The following FOXM1 variants were observed in gnomAD, a reference collection of about 807,000 sequenced individuals.
FOXM1 encodes forkhead box protein M1.
A neutral mutation model predicts 63.6 loss-of-function variants in FOXM1; 25 were observed. The ratio of observed to expected loss-of-function variants is 0.39; its 90% confidence interval spans 0.29 to 0.55. FOXM1 has a LOEUF of 0.55. Ranked by LOEUF, FOXM1 falls within the 20% of genes least tolerant of loss-of-function variation. The pLI is 0.60. For synonymous variants in FOXM1, 387 were observed against 376.9 expected (o/e 1.03, Z -0.31); for missense variants, 879 against 958.7 (o/e 0.92, Z 1.10).
chr12:2,860,954 G>A (rs1266255993), intron 8 of FOXM1, among the ~76,000 whole-genome samples: 1 of 151,660 alleles, frequency 6.6e-6, no homozygotes, highest in Admixed American at 6.6e-5. Context: ...GGATCATGAG[G>A]TCAGGAGTTC....
Position 2,872,987 on chromosome 12 carries a change from G to A in FOXM1, c.503-740C>T, listed in dbSNP as rs1368304872. Among the ~76,000 whole-genome samples, 22 of 152,120 alleles carry A rather than the reference G, an allele frequency of 1.4e-4. No homozygotes were observed. The highest frequency in any genetic ancestry group is 1.2e-3 in the South Asian group (6 of 4,828). On this transcript the variant is annotated intron_variant, in intron 2 of 8. Coordinates refer to ENST00000359843, the MANE Select transcript of FOXM1 (RefSeq NM_021953.4). This position sits in a 1 kb window ranked among gnomAD's most constrained non-coding sequence, Gnocchi z 4.0. ...GAGAATGGCTTGAGTCCAGGCATTC[G>A]AGGCTAGAGTGAGCCGTGATTGCGC...
At position 2,859,297 on chromosome 12, in the gene FOXM1, G is replaced by A. The variant is rs145831539; in HGVS notation, c.1633C>T (p.Arg545Trp). ...HRERRERSRS[R>W]RKQHLLPPCV... ...GGAGGCAGTAGATGCTGTTTTCTCC[G>A]AGACCGGCTCCTCTCCCTCCTCTCC... Residue 545 changes from arginine (R) to tryptophan (W), a missense_variant, in exon 9 of 9, where the codon CGG (arginine) becomes TGG (tryptophan). Arg to Trp is a moderately radical substitution (Grantham distance 101, BLOSUM62 -3). Coordinates refer to ENST00000359843, the MANE Select transcript of FOXM1 (RefSeq NM_021953.4). 43 of 1,613,376 alleles carry A rather than the reference G, an allele frequency of 2.7e-5. No individual in the cohort carries two copies. The highest frequency in any genetic ancestry group is 3.3e-5 in the Admixed American group (2 of 59,996).
chr12:2,870,816 G>A (rs900408365), intron 3 of FOXM1, among the ~76,000 whole-genome samples: 14 of 151,984 alleles, frequency 9.2e-5, no homozygotes, highest in African/African-American at 2.2e-4. Context: ...AAAATTAGCC[G>A]GGCGTGGCAG....
intron 2 of FOXM1, 102 bp downstream of exon 2, chr12:2,873,875 G>T: frequency 2.2e-6 from 3 of 1,351,578 alleles, no homozygotes; most frequent in Non-Finnish European, 3.0e-6. Flanking sequence ...ACTGTGCTCG[G>T]CCAGAAGCCT....
At chr12:2,862,163 A>G (rs533496062) in intron 8 of FOXM1, among the ~76,000 whole-genome samples, 4 of 148,478 alleles carry the variant, frequency 2.7e-5, no homozygotes, top group African/African-American at 1.0e-4. Context: ...TGGGCGACAG[A>G]GTGAGACTCC....
chr12:2,864,692 G>C lies in FOXM1; in HGVS notation c.1081C>G (p.Leu361Val). ...ACTCTCCCATACTAACGTGCGCCCA[G>C]GGGGAGTTCGGTTTTGATGGTCATG... is the stretch of plus-strand genomic sequence containing the variant. ...RNMTIKTELP[L>V]GARRKMKPLL... The change falls in exon 7 of 9, where the codon CTG becomes GTG. Residue 361 changes from leucine to valine, a missense_variant. Physicochemically the swap from Leu to Val is conservative, Grantham distance 32 (BLOSUM62 1). Transcript: ENST00000359843. The surrounding 1 kb of genome is among the most constrained non-coding windows in gnomAD (Gnocchi z 5.1). The C allele has an allele frequency of 1.2e-6, 2 of 1,614,170 alleles. No homozygotes were observed. Among genetic ancestry groups the C allele is most frequent in the Non-Finnish European group, 1.7e-6 (2 of 1,180,002 alleles).
intron 6 of FOXM1, among the ~76,000 whole-genome samples, chr12:2,865,103 T>C (rs2098120751): frequency 6.6e-6 from 1 of 152,168 alleles, no homozygotes; most frequent in South Asian, 2.1e-4. Flanking sequence ...TGCCATGCGC[T>C]TGTGGCTGCT....
At chr12:2,865,864 G>C (rs1185633526) in intron 5 of FOXM1, among the ~76,000 whole-genome samples, 1 of 151,900 alleles carries the variant, frequency 6.6e-6, no homozygotes, top group Non-Finnish European at 1.5e-5. Context: ...TGTTGGTCAG[G>C]CTGGTCTCCA....
rs116425032 is a variant in FOXM1 at position 2,872,212 on chromosome 12, T to G, written c.538A>C (p.Ser180Arg). Residue 180 changes from serine (S) to arginine (R), a missense_variant, in exon 3 of 9, where the codon AGC becomes CGC. By Grantham distance (110) the Ser-to-Arg change is moderately radical. Transcript: ENST00000359843. This position sits in a 1 kb window ranked among gnomAD's most constrained non-coding sequence, Gnocchi z 4.0. ...GEAAGCTINN[S>R]LSNIQWLRKM... ...CGAAGCCACTGGATGTTGGATAGGC[T>G]ATTGTTGATAGTGCAGCCTGCTGCC... 1,940 of 1,614,216 alleles carry G rather than the reference T, an allele frequency of 1.2e-3. 18 individuals carry two copies. The African/African-American group carries it at 0.022, about 18-fold the overall frequency.
chr12:2,861,455 T>A (rs994763268), intron 8 of FOXM1: 11 of 564,488 alleles, frequency 1.9e-5, no homozygotes, highest in Non-Finnish European at 2.4e-5. Context: ...TAAAACATTT[T>A]AAAAAATTAA....
intron 8 of FOXM1, among the ~76,000 whole-genome samples, chr12:2,860,508 TAA>T (rs1031806028): frequency 6.6e-6 from 1 of 151,420 alleles, no homozygotes; most frequent in African/African-American, 2.4e-5. Context: ...GAAAGGAAAG[TAA>T]AGAGATAAAC....
chr12:2,866,498 G>A lies in FOXM1; in HGVS notation c.870C>T (p.Ser290=), dbSNP rs1418375224. 4 of 1,563,726 alleles carry A rather than the reference G, an allele frequency of 2.6e-6. No homozygotes were observed. Among genetic ancestry groups the A allele is most frequent in the African/African-American group, 1.4e-5 (1 of 72,106 alleles). ...GWKNSIRHNL[S]LHDMFVRETS... ...TCTCCCGGACAAACATGTCGTGCAG[G>A]GAAAGGTTGTGGCGGATGGAGTTCT... The change falls in exon 5 of 9, where the codon TCC becomes TCT. Residue 290 remains serine, a synonymous_variant. Coordinates refer to ENST00000359843, the MANE Select transcript of FOXM1 (RefSeq NM_021953.4).
chr12:2,859,146 C>T lies in FOXM1; in HGVS notation c.1784G>A (p.Gly595Glu). ...CTTAATGGGTGTCTTAAAAGGTCCTCCCACTTCCTGGGAGTAGCTGAGCTG... is the reference window on the plus strand; with the variant it reads ...CTTAATGGGTGTCTTAAAAGGTCCTTCCACTTCCTGGGAGTAGCTGAGCTG... ...ASQLSYSQEV[G>E]GPFKTPIKET... is the part of the protein sequence containing the mutation. Residue 595 changes from glycine to glutamate, a missense_variant, in exon 9 of 9, where the codon GGA becomes GAA. Physicochemically the swap from Gly to Glu is moderately conservative, Grantham distance 98 (BLOSUM62 -2). Coordinates refer to ENST00000359843, the MANE Select transcript of FOXM1 (RefSeq NM_021953.4). 14 of 1,606,632 alleles carry T rather than the reference C, an allele frequency of 8.7e-6. No homozygotes were observed. The highest frequency in any genetic ancestry group is 1.1e-5 in the Non-Finnish European group (13 of 1,176,630).
In FOXM1 at chr12:2,859,010, T is replaced by C; in HGVS notation, c.1920A>G (p.Val640=). 1.2e-6 allele frequency: 2 copies of C among 1,612,664 alleles called. No individual in the cohort carries two copies. The highest frequency in any genetic ancestry group is 8.5e-7 in the Non-Finnish European group (1 of 1,179,410). ...GGTCAGAGGCACCCTGGGAGGTTTG[T>C]ACTGGGCTGAAATCCAGTCCCCCTA... The part of the protein sequence containing the change: ...AKVGGLDFSP[V]QTSQGASDPL... Residue 640 remains valine (V), a synonymous_variant, in exon 9 of 9, where the codon GTA becomes GTG. Transcript: ENST00000359843.
At position 2,866,396 on chromosome 12, in the gene FOXM1, A is replaced by T; in HGVS notation, c.972T>A (p.Phe324Leu). 6.8e-7 allele frequency: 1 copy of T among 1,478,300 alleles called. No homozygotes were observed. The highest frequency in any genetic ancestry group is 9.0e-7 in the Non-Finnish European group (1 of 1,112,696). The allele number at this position is 1,478,300 out of a possible 1,614,324, so 91.6% of individuals were successfully genotyped here. The change falls in exon 5 of 9, where the codon TTT (phenylalanine) becomes TTA (leucine). Residue 324 changes from phenylalanine (F) to leucine (L), a missense_variant. Phe to Leu is a conservative substitution (Grantham distance 22, BLOSUM62 0). Coordinates refer to ENST00000359843, the MANE Select transcript of FOXM1 (RefSeq NM_021953.4). Reference protein sequence around the residue: ...ANRYLTLDQVFKPLDPGSPQL... With the variant: ...ANRYLTLDQVLKPLDPGSPQL... ...TAGAGGAAAGCAGGGCATTCACCTTAAACACCTGGTCCAATGTCAAGTAGC... is the reference window on the plus strand; with the variant it reads ...TAGAGGAAAGCAGGGCATTCACCTTTAACACCTGGTCCAATGTCAAGTAGC...
At chr12:2,860,590 G>C (rs1461748452) in intron 8 of FOXM1, among the ~76,000 whole-genome samples, 1 of 151,514 alleles carries the variant, frequency 6.6e-6, no homozygotes, top group Non-Finnish European at 1.5e-5. Flanking sequence ...GCTCTCACAG[G>C]GGGCTGGGTG....
Position 2,864,693 on chromosome 12 carries a change from G to T in FOXM1, c.1080C>A (p.Pro360=). 3 of 1,614,184 alleles carry T rather than the reference G, an allele frequency of 1.9e-6. No individual in the cohort carries two copies. Among genetic ancestry groups the T allele is most frequent in the Non-Finnish European group, 1.7e-6 (2 of 1,180,026 alleles). Reference sequence around the variant, plus strand: ...CTCTCCCATACTAACGTGCGCCCAGGGGGAGTTCGGTTTTGATGGTCATGT... The same window carrying T: ...CTCTCCCATACTAACGTGCGCCCAGTGGGAGTTCGGTTTTGATGGTCATGT... ...RRNMTIKTEL[P]LGARRKMKPL... is the part of the protein sequence containing the mutation. Residue 360 remains proline, a synonymous_variant, in exon 7 of 9, where the codon CCC becomes CCA. Coordinates refer to ENST00000359843, the MANE Select transcript of FOXM1 (RefSeq NM_021953.4). This position sits in a 1 kb window ranked among gnomAD's most constrained non-coding sequence, Gnocchi z 5.1.
chr12:2,873,398 CAAA>C (rs1189846694), intron 2 of FOXM1, among the ~76,000 whole-genome samples: 2,474 of 57,898 alleles, frequency 0.043, 70 homozygotes, highest in African/African-American at 0.11. Context: ...GACTCCATCT[CAAA>C]AAAAAAAAAA....
intron 3 of FOXM1, among the ~76,000 whole-genome samples, chr12:2,871,153 C>G (rs373977085): frequency 4.6e-5 from 7 of 151,630 alleles, no homozygotes. Context: ...CAGCGACACA[C>G]AATATACCCA....
Sources: gnomAD v4.1 joint callset for allele counts (sites outside exome capture counted in the v4.1 genomes callset) on GRCh38, gnomAD v4.1.1 for gene constraint, Gnocchi (gnomAD v3.1) non-coding constraint, MANE v1.5 for transcripts, NCBI Gene and HGNC (gene_info 2026-07-23, HGNC 2026-07-21) for gene names.